The following RGPD3 variants were observed in gnomAD, a reference collection of about 807,000 sequenced individuals.
RGPD3 encodes ranBP2-like and GRIP domain-containing protein 3.
A neutral mutation model predicts 154.5 loss-of-function variants in RGPD3; 62 were observed. That is an observed-to-expected ratio of 0.40 (90% CI 0.33 to 0.50). The LOEUF is 0.50. Ranked by LOEUF, RGPD3 falls within the 20% of genes least tolerant of loss-of-function variation. The pLI, the probability that RGPD3 is intolerant of heterozygous loss-of-function variation, is 0.59. For missense variants in RGPD3, 919 were observed against 1,716.8 expected (o/e 0.54, Z 8.21); for synonymous variants, 308 against 607.0 (o/e 0.51, Z 7.24).
intron 21 of RGPD3, 136 bp downstream of exon 21, chr2:106,415,714 A>G: frequency 1.2e-6 from 1 of 866,224 alleles, no homozygotes. Flanking sequence ...ATTTCTCACC[A>G]TCAGGAATCT....
At chr2:106,448,776 T>C (rs1198686343) in intron 6 of RGPD3, among the ~76,000 whole-genome samples, 1 of 151,974 alleles carries the variant, frequency 6.6e-6, no homozygotes, top group Non-Finnish European at 1.5e-5. Context: ...CTGCAACCTC[T>C]GACTCCCAGG....
rs1465355578 is a variant in RGPD3, at chr2:106,447,487, C to G, written c.909G>C (p.Gln303His). 4.4e-6 allele frequency: 1 copy of G among 229,142 alleles called. No individual in the cohort carries two copies. Among genetic ancestry groups the G allele is most frequent in the Admixed American group, 1.1e-4 (1 of 9,036 alleles). 14.2% of individuals were successfully genotyped at this position (229,142 alleles called of 1,614,324 possible). A position where few individuals can be genotyped will look rare whatever the true frequency, so the allele number is the denominator to read the frequency against. Residue 303 changes from glutamine to histidine, a missense_variant, in exon 7 of 23, where the codon CAG becomes CAC. Gln to His is a conservative substitution (Grantham distance 24). Transcript: ENST00000409886. Reference protein sequence around the residue: ...HAGSLLLKMGQHGNNVQWRAL... With the variant: ...HAGSLLLKMGHHGNNVQWRAL... Reference sequence around the variant, plus strand: ...CTCGCCATTGAACATTATTACCATGCTGACCCATCTTCAAGAGCAGAGAAC... The same window carrying G: ...CTCGCCATTGAACATTATTACCATGGTGACCCATCTTCAAGAGCAGAGAAC...
intron 6 of RGPD3, among the ~76,000 whole-genome samples, chr2:106,450,705 CA>C (rs768839840): frequency 2.1e-3 from 89 of 43,218 alleles, no homozygotes; most frequent in African/African-American, 8.1e-3. Flanking sequence ...GACTCTGTCT[CA>C]AAAAAAAAAA....
Position 106,434,299 on chromosome 2 carries a change from G to A in RGPD3, c.2134C>T (p.Leu712=), listed in dbSNP as rs1381725314. ...PEEQEECKNY[L]RKTRGYLIKI... ...ATTAGGTAGCCCCTGGTCTTTCTCA[G>A]ATAATTTTTGCATTCTTCTTGTTCT... is the stretch of plus-strand genomic sequence containing the variant. The change falls in exon 15 of 23, where the codon CTG becomes TTG. Residue 712 remains leucine, a synonymous_variant. Transcript: ENST00000409886. 7 of 1,607,350 alleles carry A rather than the reference G, an allele frequency of 4.4e-6. No homozygotes were observed. Among genetic ancestry groups the A allele is most frequent in the East Asian group, 2.2e-5 (1 of 44,600 alleles).
chr2:106,465,029 A>G (rs1678526386), intron 1 of RGPD3, among the ~76,000 whole-genome samples: 1 of 151,554 alleles, frequency 6.6e-6, no homozygotes, highest in Non-Finnish European at 1.5e-5. Flanking sequence ...AAATGGCAAA[A>G]CAAGAGGAGA....
chr2:106,415,767 T>C (rs1355730985), intron 21 of RGPD3, 83 bp downstream of exon 21: 4 of 1,599,984 alleles, frequency 2.5e-6, no homozygotes, highest in Middle Eastern at 2.3e-4. Flanking sequence ...GCAATGTGAA[T>C]TTTTAAACTT....
chr2:106,462,503 A>C (rs1445088198), intron 1 of RGPD3, among the ~76,000 whole-genome samples: 1 of 151,076 alleles, frequency 6.6e-6, no homozygotes, highest in Non-Finnish European at 1.5e-5. Context: ...CACTATAAGC[A>C]AATACCTGAA....
chr2:106,410,653 C>T (rs1418929807), intron 22 of RGPD3, among the ~76,000 whole-genome samples: 1 of 152,046 alleles, frequency 6.6e-6, no homozygotes, highest in Non-Finnish European at 1.5e-5. Flanking sequence ...AATTTTATAA[C>T]TATAAAATTA....
At chr2:106,451,879 A>G (rs1448608619) in intron 6 of RGPD3, among the ~76,000 whole-genome samples, 2 of 151,730 alleles carry the variant, frequency 1.3e-5, no homozygotes, top group African/African-American at 2.4e-5. Context: ...AGATTATACT[A>G]TTATAAAAAA....
intron 22 of RGPD3, among the ~76,000 whole-genome samples, chr2:106,408,847 G>T (rs140393640): frequency 0.13 from 19,293 of 143,476 alleles, 513 homozygotes; most frequent in Non-Finnish European, 0.17. Flanking sequence ...CCACCAGAAC[G>T]GGCATATTTT....
At chr2:106,438,075 A>G (rs1337372996) in intron 9 of RGPD3, among the ~76,000 whole-genome samples, 1 of 152,046 alleles carries the variant, frequency 6.6e-6, no homozygotes. Flanking sequence ...CTACAGGCAC[A>G]TGCCACCACC....
intron 22 of RGPD3, among the ~76,000 whole-genome samples, chr2:106,406,737 T>G (rs1313464377): frequency 2.0e-5 from 3 of 152,242 alleles, no homozygotes; most frequent in Non-Finnish European, 2.9e-5. Context: ...GGTTTTTGTG[T>G]GAATACTGGT....
chr2:106,449,190 T>C (rs1230649180), intron 6 of RGPD3, among the ~76,000 whole-genome samples: 1 of 151,426 alleles, frequency 6.6e-6, no homozygotes, highest in Non-Finnish European at 1.5e-5. Flanking sequence ...ATTGGCCCTG[T>C]GCGGTGGCTC....
Position 106,415,880 on chromosome 2 carries a change from T to G in RGPD3, c.5034A>C (p.Ala1678=), listed in dbSNP as rs752483115. The G allele has an allele frequency of 1.9e-6, 3 of 1,611,846 alleles. No individual in the cohort carries two copies. In the East Asian group the frequency reaches 6.7e-5, roughly 36 times the overall value. ...TTTGCTCCATAAGGACTGCATTGGTTGCCTCTATTTCCCGAAGCAGGCCGT... is the reference window on the plus strand; with the variant it reads ...TTTGCTCCATAAGGACTGCATTGGTGGCCTCTATTTCCCGAAGCAGGCCGT... The part of the protein sequence containing the change: ...HLNGLLREIE[A]TNAVLMEQIK... The change falls in exon 21 of 23, where the codon GCA becomes GCC. Residue 1678 remains alanine (A), a synonymous_variant. Transcript: ENST00000409886.
At chr2:106,464,967 A>G (rs569593025) in intron 1 of RGPD3, among the ~76,000 whole-genome samples, 129 of 149,966 alleles carry the variant, frequency 8.6e-4, no homozygotes, top group Non-Finnish European at 1.7e-3. Context: ...TGCTCAGATT[A>G]CAGACGAAGA....
intron 1 of RGPD3, among the ~76,000 whole-genome samples, chr2:106,466,945 C>T (rs1286007762): frequency 1.7e-5 from 2 of 119,188 alleles, no homozygotes; most frequent in African/African-American, 5.6e-5. Context: ...CGTCGGGAGC[C>T]ATGACGCCTG....
At chr2:106,405,539 G>T (rs1200396046) in intron 22 of RGPD3, among the ~76,000 whole-genome samples, 2 of 151,558 alleles carry the variant, frequency 1.3e-5, no homozygotes, top group Non-Finnish European at 2.9e-5. Context: ...ACCATGCCTG[G>T]GTAATTTTTT....
chr2:106,459,421 T>C (rs898971676), intron 1 of RGPD3, 89 bp from the exon 2 acceptor site: 3 of 558,630 alleles, frequency 5.4e-6, no homozygotes, highest in Non-Finnish European at 9.4e-6. Context: ...CCTAAGTTTA[T>C]GTTCAAATAT....
At chr2:106,441,165 A>G in intron 8 of RGPD3, 128 bp downstream of exon 8, 1 of 1,345,996 alleles carries the variant, frequency 7.4e-7, no homozygotes. Context: ...ATTGCTCTTA[A>G]CTGATACGGC....
Sources: allele counts gnomAD v4.1 joint callset (sites outside exome capture counted in the v4.1 genomes callset), GRCh38; gene constraint gnomAD v4.1.1; transcripts MANE v1.5; gene names NCBI Gene and HGNC (gene_info 2026-07-23, HGNC 2026-07-21).